The following TXLNG variants were observed in gnomAD, a reference collection of about 807,000 sequenced individuals.
TXLNG encodes the protein gamma-taxilin.
TXLNG carries 5 observed loss-of-function variants against 38.8 expected under a neutral mutation model. The observed-to-expected ratio is 0.13, with a 90% CI of 0.07 to 0.27. The LOEUF (loss-of-function observed/expected upper bound fraction) is 0.27, where lower values mean the gene tolerates loss of function less well. TXLNG is among the 10% of genes least tolerant of loss of function. TXLNG has a pLI of 1.00. For synonymous variants in TXLNG, 182 were observed against 158.2 expected, an observed-to-expected ratio of 1.15 and a Z score of -1.13; for missense variants, 393 against 398.2, an observed-to-expected ratio of 0.99 and a Z score of 0.11.
intron 9 of TXLNG, among the ~76,000 whole-genome samples, chrX:16,841,123 A>T (rs1395985218): frequency 9.1e-6 from 1 of 109,573 alleles, no homozygotes; most frequent in African/African-American, 3.3e-5. Context: ...TCAACCCAGG[A>T]GGCAGAGGTT....
At chrX:16,803,512 G>T (rs757941377) in intron 1 of TXLNG, among the ~76,000 whole-genome samples, 1 of 105,629 alleles carries the variant, frequency 9.5e-6, no homozygotes, top group African/African-American at 3.4e-5. Flanking sequence ...CTGCCACCAC[G>T]CCCGGCTAAT....
At chrX:16,841,398 G>A (rs1929815246) in intron 9 of TXLNG, 30 bp from the exon 10 acceptor site, 1 of 1,153,663 alleles carries the variant, frequency 8.7e-7, no homozygotes, top group African/African-American at 1.8e-5. Flanking sequence ...ATATTTAACA[G>A]GGTTACAGAA....
chrX:16,796,029 G>T (rs975778032), intron 1 of TXLNG, among the ~76,000 whole-genome samples: 1 of 110,148 alleles, frequency 9.1e-6, no homozygotes, highest in Non-Finnish European at 1.9e-5. Context: ...AGCCAAGATG[G>T]TCTTGAACTC....
At position 16,787,634 on chromosome X, in the gene TXLNG, G is replaced by A. The variant is rs760435391; in HGVS notation, c.102+1045G>A. ...TGAAAAAGATTGCACAACGAACGGG[G>A]TACAGGGTTTTCGGGGCCCTGGAAT... On this transcript the variant is annotated intron_variant, in intron 1 of 9. Transcript: ENST00000380122. 2.0e-4 allele frequency among the ~76,000 whole-genome samples: 22 copies of A among 111,047 alleles called. 1 individual carries two copies. In the South Asian group the frequency reaches 8.4e-3, roughly 42 times the overall value.
intron 1 of TXLNG, among the ~76,000 whole-genome samples, chrX:16,788,357 C>A (rs951334488): frequency 1.8e-5 from 2 of 112,052 alleles, no homozygotes; most frequent in African/African-American, 6.5e-5. Flanking sequence ...TAGGAATAGT[C>A]ATGTGTGTGT....
intron 5 of TXLNG, among the ~76,000 whole-genome samples, chrX:16,832,391 G>T (rs185616356): frequency 1.8e-5 from 2 of 112,408 alleles, no homozygotes; most frequent in Admixed American, 1.9e-4. Context: ...GGGGGAACAG[G>T]CAACAGTCAA....
chrX:16,796,299 G>A (rs1191160638), intron 1 of TXLNG, among the ~76,000 whole-genome samples: 1 of 111,236 alleles, frequency 9.0e-6, no homozygotes, highest in Admixed American at 9.6e-5. Context: ...CACTGTGCCC[G>A]GCCGCACTTG....
Position 16,818,701 on chromosome X carries a change from A to G in TXLNG, c.230A>G (p.Lys77Arg). The G allele has an allele frequency of 4.1e-6, 5 of 1,212,162 alleles. No homozygotes were observed. The highest frequency in any genetic ancestry group is 5.6e-6 in the Non-Finnish European group (5 of 895,660). ...QGSNCGGTSN[K>R]HSLEEDEGSD... ...TCAAATTGTGGTGGCACAAGTAACA[A>G]GCATTCATTGGAAGAGGATGAAGGC... The change falls in exon 2 of 10, where the codon AAG (lysine) becomes AGG (arginine). Residue 77 changes from lysine to arginine, a missense_variant. By Grantham distance (26) the Lys-to-Arg change is conservative. Coordinates refer to ENST00000380122, the MANE Select transcript of TXLNG (RefSeq NM_018360.3).
chrX:16,841,393 T>G (rs1165828754), intron 9 of TXLNG, 35 bp from the exon 10 acceptor site: 25 of 1,142,342 alleles, frequency 2.2e-5, no homozygotes, highest in Non-Finnish European at 2.9e-5. Flanking sequence ...GATTGATATT[T>G]AACAGGGTTA....
At chrX:16,804,858 A>C (rs1407192082) in intron 1 of TXLNG, among the ~76,000 whole-genome samples, 1 of 107,515 alleles carries the variant, frequency 9.3e-6, no homozygotes, top group Non-Finnish European at 1.9e-5. Flanking sequence ...GAATAGTATA[A>C]ATTGGGCCCA....
chrX:16,824,770 A>T (rs918398537), intron 3 of TXLNG, among the ~76,000 whole-genome samples: 9 of 109,310 alleles, frequency 8.2e-5, no homozygotes, highest in South Asian at 8.0e-4. Flanking sequence ...AATAAAAAAA[A>T]AAAAATTAGC....
At chrX:16,787,200 C>T (rs1462983028) in intron 1 of TXLNG, among the ~76,000 whole-genome samples, 3 of 111,842 alleles carry the variant, frequency 2.7e-5, no homozygotes, top group Non-Finnish European at 5.7e-5. Context: ...GTCGCAGGGC[C>T]GGTGCGAGCG....
In TXLNG at chrX:16,844,215, A is replaced by C. The variant is rs1363477678; in HGVS notation, c.*2449A>C. ...GTCTTGAGACCAGTATTTTTCAGTT[A>C]TGTATGCAACTGCCTTTATTACACC... is the stretch of plus-strand genomic sequence containing the variant. On this transcript the variant is annotated 3_prime_UTR_variant, in exon 10 of 10. Transcript: ENST00000380122. The C allele has an allele frequency of 9.0e-6, 1 of 111,621 alleles. No individual in the cohort carries two copies. The highest frequency in any genetic ancestry group is 1.9e-5 in the Non-Finnish European group (1 of 53,168). 9.2% of individuals were successfully genotyped at this position (111,621 alleles called of 1,213,427 possible). A position where few individuals can be genotyped will look rare whatever the true frequency, so the allele number is the denominator to read the frequency against.
intron 1 of TXLNG, among the ~76,000 whole-genome samples, chrX:16,787,103 C>T (rs1402004240): frequency 2.7e-5 from 3 of 112,658 alleles, no homozygotes; most frequent in African/African-American, 9.6e-5. Flanking sequence ...AAGATAACCG[C>T]GCGGGAGCCG....
intron 5 of TXLNG, among the ~76,000 whole-genome samples, chrX:16,831,867 T>TC (rs900803027): frequency 1.8e-4 from 20 of 112,228 alleles, no homozygotes; most frequent in African/African-American, 5.5e-4. Flanking sequence ...ACCAGCATTT[T>TC]CCCCTCTCAT....
intron 1 of TXLNG, among the ~76,000 whole-genome samples, chrX:16,803,898 G>A (rs1380557316): frequency 1.8e-5 from 2 of 110,103 alleles, no homozygotes; most frequent in African/African-American, 6.6e-5. Context: ...GTTGTGATGA[G>A]CTGAGATCGT....
At chrX:16,800,800 A>C (rs978887952) in intron 1 of TXLNG, among the ~76,000 whole-genome samples, 1 of 111,152 alleles carries the variant, frequency 9.0e-6, no homozygotes, top group African/African-American at 3.3e-5. Context: ...GGCTTCAGCA[A>C]CCTCAGACCT....
chrX:16,790,592 T>TA (rs1374845166), intron 1 of TXLNG, among the ~76,000 whole-genome samples: 3 of 112,122 alleles, frequency 2.7e-5, no homozygotes, highest in African/African-American at 9.7e-5. Flanking sequence ...TTGGGAATGT[T>TA]AAAAATTATT....
At chrX:16,795,059 C>T (rs1027809801) in intron 1 of TXLNG, among the ~76,000 whole-genome samples, 1 of 110,543 alleles carries the variant, frequency 9.0e-6, no homozygotes, top group Non-Finnish European at 1.9e-5. Flanking sequence ...AGGCGGATCA[C>T]GAGGTCAGGA....
Sources: gnomAD v4.1 joint callset for allele counts (sites outside exome capture counted in the v4.1 genomes callset) on GRCh38, gnomAD v4.1.1 for gene constraint, MANE v1.5 for transcripts, NCBI Gene and HGNC (gene_info 2026-07-23, HGNC 2026-07-21) for gene names.